Variants in PXDNL observed in about 807,000 individuals in gnomAD.
PXDNL encodes the protein peroxidasin like, also known as probable oxidoreductase PXDNL.
Under a neutral mutation model 150.8 loss-of-function variants are expected in PXDNL, and 145 were observed. The observed-to-expected ratio is 0.96, with a 90% CI of 0.84 to 1.10. The LOEUF (loss-of-function observed/expected upper bound fraction) is 1.10. PXDNL is among the 50% of genes least tolerant of loss of function. The pLI is 0.00. For synonymous variants in PXDNL, 757 were observed against 725.7 expected (o/e 1.04, Z -0.69); for missense variants, 2,087 against 1,873.9 (o/e 1.11, Z -2.10).
chr8:51,664,120 G>A (rs1351117768), intron 1 of PXDNL, among the ~76,000 whole-genome samples: 1 of 151,946 alleles, frequency 6.6e-6, no homozygotes, highest in Non-Finnish European at 1.5e-5. Flanking sequence ...ACGTTGCAGT[G>A]GGAGAAGGAC....
intron 11 of PXDNL, among the ~76,000 whole-genome samples, chr8:51,447,902 T>C (rs891213188): frequency 3.3e-5 from 5 of 152,078 alleles, no homozygotes; most frequent in Admixed American, 2.6e-4. Context: ...CACCCTATGA[T>C]GTAGGAAACG....
At chr8:51,350,094 A>C (rs970687988) in intron 19 of PXDNL, among the ~76,000 whole-genome samples, 2 of 152,002 alleles carry the variant, frequency 1.3e-5, no homozygotes, top group African/African-American at 4.8e-5. Context: ...GACACACACG[A>C]GGAGTGGGTT....
intron 4 of PXDNL, among the ~76,000 whole-genome samples, chr8:51,548,643 A>G (rs1461134749): frequency 1.3e-5 from 2 of 152,142 alleles, no homozygotes; most frequent in Non-Finnish European, 1.5e-5. Context: ...ATGCTGAGAG[A>G]ATTCACCTCT....
intron 19 of PXDNL, among the ~76,000 whole-genome samples, chr8:51,362,169 A>G (rs985577079): frequency 2.0e-5 from 3 of 152,274 alleles, no homozygotes; most frequent in African/African-American, 7.2e-5. Context: ...ATTCTGCCCC[A>G]AAGGCAAAAA....
At chr8:51,618,391 C>G (rs963203727) in intron 2 of PXDNL, among the ~76,000 whole-genome samples, 9 of 152,204 alleles carry the variant, frequency 5.9e-5, no homozygotes, top group African/African-American at 2.2e-4. Context: ...GGGGCAGAAT[C>G]AGGATGCAGC....
intron 3 of PXDNL, among the ~76,000 whole-genome samples, chr8:51,575,897 CA>C (rs1460080843): frequency 6.6e-6 from 1 of 150,702 alleles, no homozygotes; most frequent in Non-Finnish European, 1.5e-5. Flanking sequence ...AGTAGGCTTC[CA>C]AACAAAAACA....
rs531882790 is a variant in PXDNL, at chr8:51,481,074, A to G, written c.524+2569T>C. ...GTTTAGAGGGCTCAGAAGCAGATAG[A>G]AAAATGTTTGAAAGTTTGGAACTTC... On this transcript the variant is annotated intron_variant, in intron 6 of 22. Transcript: ENST00000356297. Among the ~76,000 whole-genome samples, 8 of 152,324 alleles carry G rather than the reference A, an allele frequency of 5.3e-5. No individual in the cohort carries two copies. In the East Asian group the frequency reaches 1.2e-3, roughly 22 times the overall value.
In PXDNL at chr8:51,604,855, A is replaced by G. The variant is rs112641277; in HGVS notation, c.237-12157T>C. Among the ~76,000 whole-genome samples, 383 of 152,108 alleles carry G rather than the reference A, an allele frequency of 2.5e-3. 2 individuals carry two copies. Among genetic ancestry groups the G allele is most frequent in the African/African-American group, 8.9e-3 (371 of 41,512 alleles). ...ACACACAGAGCAAATATCTCGTCAGAGTTTGTATAGTATTAGGAATATACA... is the reference window on the plus strand; with the variant it reads ...ACACACAGAGCAAATATCTCGTCAGGGTTTGTATAGTATTAGGAATATACA... On this transcript the variant is annotated intron_variant, in intron 2 of 22. Transcript: ENST00000356297.
intron 9 of PXDNL, among the ~76,000 whole-genome samples, chr8:51,456,438 C>T (rs986378472): frequency 2.6e-5 from 4 of 152,158 alleles, no homozygotes; most frequent in East Asian, 1.9e-4. Flanking sequence ...TGCAATCCTC[C>T]GAGGCTGCTG....
At chr8:51,623,751 G>A (rs1024763154) in intron 2 of PXDNL, among the ~76,000 whole-genome samples, 5 of 152,038 alleles carry the variant, frequency 3.3e-5, no homozygotes, top group Non-Finnish European at 5.9e-5. Flanking sequence ...TTTTGAAAAA[G>A]GGATGCCATA....
chr8:51,781,309 C>T (rs537692897), intron 1 of PXDNL, among the ~76,000 whole-genome samples: 11 of 149,898 alleles, frequency 7.3e-5, no homozygotes, highest in African/African-American at 2.2e-4. Context: ...AGATGCTTGG[C>T]GCACATGCAT....
At position 51,341,853 on chromosome 8, in the gene PXDNL, G is replaced by A. The variant is rs570268776; in HGVS notation, c.4017-2100C>T. 1.1e-4 allele frequency among the ~76,000 whole-genome samples: 17 copies of A among 152,294 alleles called. No homozygotes were observed. In the East Asian group the frequency reaches 2.9e-3, roughly 26 times the overall value. On this transcript the variant is annotated intron_variant, in intron 20 of 22. Coordinates refer to ENST00000356297, the MANE Select transcript of PXDNL (RefSeq NM_144651.5). The stretch of plus-strand genomic sequence containing the variant: ...ATGTTAGTGAAGATTATACAACGTT[G>A]GTGGAAATGTGGGTTGGAGTAGCCA...
chr8:51,704,194 A>G (rs1358915515), intron 1 of PXDNL, among the ~76,000 whole-genome samples: 1 of 152,198 alleles, frequency 6.6e-6, no homozygotes, highest in African/African-American at 2.4e-5. Flanking sequence ...CCCACAGACA[A>G]TATATATTTA....
intron 1 of PXDNL, among the ~76,000 whole-genome samples, chr8:51,680,300 T>G (rs1240136498): frequency 5.9e-5 from 9 of 152,180 alleles, no homozygotes; most frequent in Non-Finnish European, 1.3e-4. Context: ...AGAGTTGTCG[T>G]CTTCAAAACA....
chr8:51,378,550 G>C (rs1226013427), intron 17 of PXDNL, among the ~76,000 whole-genome samples: 2 of 152,198 alleles, frequency 1.3e-5, no homozygotes, highest in Non-Finnish European at 2.9e-5. Context: ...GCCAGCAGTG[G>C]CAATCCTCTG....
At chr8:51,773,056 G>A (rs777625181) in intron 1 of PXDNL, among the ~76,000 whole-genome samples, 1 of 152,232 alleles carries the variant, frequency 6.6e-6, no homozygotes, top group Non-Finnish European at 1.5e-5. Flanking sequence ...GGCTAAAATA[G>A]TTTGGAATAA....
At chr8:51,494,910 C>T (rs1811007330) in intron 5 of PXDNL, among the ~76,000 whole-genome samples, 4 of 152,058 alleles carry the variant, frequency 2.6e-5, no homozygotes, top group South Asian at 2.1e-4. Flanking sequence ...GAATTGAACT[C>T]GGCTCTGCAC....
intron 1 of PXDNL, among the ~76,000 whole-genome samples, chr8:51,717,456 G>A (rs1816637465): frequency 6.6e-6 from 1 of 152,324 alleles, no homozygotes; most frequent in African/African-American, 2.4e-5. Context: ...AGACCTGGCA[G>A]ATAAAAGGGG....
Position 51,374,671 on chromosome 8 carries a change from A to T in PXDNL, c.3618T>A (p.Ile1206=), listed in dbSNP as rs768676266. Residue 1206 remains isoleucine, a synonymous_variant, in exon 18 of 23, where the codon ATT becomes ATA. Transcript: ENST00000356297. ...GTGTTGGTCCCACTCTTGTACCAGGAATCAGGTCTTCAACCATAAGGGCGG... is the reference window on the plus strand; with the variant it reads ...GTGTTGGTCCCACTCTTGTACCAGGTATCAGGTCTTCAACCATAAGGGCGG... ...LWPALMVEDL[I]PGTRVGPTLM... The T allele has an allele frequency of 1.2e-6, 2 of 1,613,982 alleles. No homozygotes were observed. The highest frequency in any genetic ancestry group is 3.3e-5 in the Admixed American group (2 of 60,024).
Sources: gnomAD v4.1 joint callset for allele counts (sites outside exome capture counted in the v4.1 genomes callset) on GRCh38, gnomAD v4.1.1 for gene constraint, MANE v1.5 for transcripts, NCBI Gene and HGNC (gene_info 2026-07-23, HGNC 2026-07-21) for gene names.